The following FAM120C variants were observed in gnomAD, a reference collection of about 807,000 sequenced individuals.
FAM120C encodes family with sequence similarity 120 member C.
A neutral mutation model predicts 71.2 loss-of-function variants in FAM120C; 14 were observed. The ratio of observed to expected loss-of-function variants is 0.20; its 90% CI spans 0.13 to 0.31. FAM120C has a LOEUF of 0.31. FAM120C is among the 10% of genes least tolerant of loss of function. The pLI is 1.00. For synonymous variants in FAM120C, 354 were observed against 353.2 expected (o/e 1.00, Z -0.03); for missense variants, 500 against 879.0 (o/e 0.57, Z 5.45).
intron 4 of FAM120C, among the ~76,000 whole-genome samples, chrX:54,147,012 A>G (rs1408665850): frequency 2.7e-5 from 3 of 111,944 alleles, no homozygotes; most frequent in Admixed American, 1.9e-4. Context: ...GTGCAGAACT[A>G]TGTAATTAAA....
At chrX:54,104,529 C>T (rs377189386) in intron 10 of FAM120C, among the ~76,000 whole-genome samples, 3 of 111,667 alleles carry the variant, frequency 2.7e-5, no homozygotes, top group Non-Finnish European at 5.6e-5. Flanking sequence ...CACAGGAGGC[C>T]GGGTGTGGTG....
rs1557129882 is a variant in FAM120C, at chrX:54,133,890, G to A, written c.1773C>T (p.Asn591=). ...IPSLLSMSTR[N]HMDITIPPLP... The stretch of plus-strand genomic sequence containing the variant: ...AGGGTGGAATGGTGATATCCATGTG[G>A]TTCCTTGTAGACATAGACAGCAGAG... Residue 591 remains asparagine, a synonymous_variant, in exon 8 of 16, where the codon AAC becomes AAT. Coordinates refer to ENST00000375180, the MANE Select transcript of FAM120C (RefSeq NM_017848.6). The A allele has an allele frequency of 8.3e-7, 1 of 1,211,449 alleles. No homozygotes were observed. The highest frequency in any genetic ancestry group is 1.7e-5 in the African/African-American group (1 of 57,692).
chrX:54,176,283 A>C (rs2067317108), intron 1 of FAM120C, among the ~76,000 whole-genome samples: 1 of 110,477 alleles, frequency 9.1e-6, no homozygotes, highest in African/African-American at 3.3e-5. Flanking sequence ...AAATACAAAA[A>C]TTAGCTGGGT....
Position 54,182,590 on chromosome X carries a change from G to C in FAM120C, c.609C>G (p.Asn203Lys). The C allele has an allele frequency of 8.3e-7, 1 of 1,209,460 alleles. No homozygotes were observed. Among genetic ancestry groups the C allele is most frequent in the Non-Finnish European group, 1.1e-6 (1 of 895,002 alleles). The change falls in exon 1 of 16, where the codon AAC becomes AAG. Residue 203 changes from asparagine (N) to lysine (K), a missense_variant. This residue lies in a region of FAM120C where 45 missense variants were observed against 140.2 expected (regional missense o/e 0.32). Transcript: ENST00000375180. ...TAQLIVGHVG[N>K]KGTPPPRAWF... ...AGGCCCGCGGTGGAGGGGTGCCCTT[G>C]TTGCCCACGTGTCCCACGATCAGTT...
At chrX:54,098,871 G>A (rs2066868085) in intron 10 of FAM120C, among the ~76,000 whole-genome samples, 2 of 111,111 alleles carry the variant, frequency 1.8e-5, no homozygotes, top group South Asian at 3.7e-4. Flanking sequence ...TGCCCTCCTC[G>A]GCCTCCGAAA....
Position 54,182,863 on chromosome X carries a change from C to T in FAM120C, c.336G>A (p.Gln112=). The part of the protein sequence containing the change: ...HPPLPPPPPP[Q]LPGARVLVDA... ...CCACCAGCACCCGGGCCCCGGGCAG[C>T]TGAGGGGGCGGCGGCGGCGGCAGCG... The change falls in exon 1 of 16, where the codon CAG becomes CAA. Residue 112 remains glutamine (Q), a synonymous_variant. Transcript: ENST00000375180. The T allele has an allele frequency of 8.9e-7, 1 of 1,123,215 alleles. No individual in the cohort carries two copies. 92.6% of individuals were successfully genotyped at this position (1,123,215 alleles called of 1,213,427 possible). A position where few individuals can be genotyped will look rare whatever the true frequency, so the allele number is the denominator to read the frequency against.
intron 9 of FAM120C, among the ~76,000 whole-genome samples, chrX:54,117,615 T>C (rs781960349): frequency 1.8e-3 from 196 of 106,940 alleles, no homozygotes; most frequent in African/African-American, 6.2e-3. Flanking sequence ...GGAGAATCGC[T>C]TGAACCTGGG....
intron 10 of FAM120C, among the ~76,000 whole-genome samples, chrX:54,104,892 G>A (rs1557124598): frequency 9.0e-6 from 1 of 111,278 alleles, no homozygotes; most frequent in African/African-American, 3.3e-5. Context: ...CCAATAACAA[G>A]TTCTGAAAGT....
chrX:54,180,137 T>C (rs782552268), intron 1 of FAM120C, among the ~76,000 whole-genome samples: 5 of 112,008 alleles, frequency 4.5e-5, no homozygotes, highest in African/African-American at 6.5e-5. Context: ...TTTTGACTGA[T>C]GGGGTATATA....
chrX:54,117,168 C>T lies in FAM120C; in HGVS notation c.2063-374G>A, dbSNP rs782366171. ...GAGCCCAGGAGTACAAGACCAGCCC[C>T]GGCAAGATGGAGAGATCCCACCTCC... On this transcript the variant is annotated intron_variant, in intron 9 of 15. Transcript: ENST00000375180. 1.2e-4 allele frequency among the ~76,000 whole-genome samples: 13 copies of T among 104,930 alleles called. 1 individual carries two copies. The South Asian group carries it at 5.1e-3, about 41-fold the overall frequency. The allele number at this position is 104,930 out of a possible 115,157, so 91.1% of individuals were successfully genotyped here.
chrX:54,135,099 C>A lies in FAM120C; in HGVS notation c.1348G>T (p.Val450Leu), dbSNP rs1569532822. 8.4e-7 allele frequency: 1 copy of A among 1,189,752 alleles called. No individual in the cohort carries two copies. The highest frequency in any genetic ancestry group is 3.0e-5 in the East Asian group (1 of 33,468). The stretch of plus-strand genomic sequence containing the variant: ...GGTGGATATTTCACTTTCTGGGGCA[C>A]TTGATGAGAAAACTAAACGATAAAA... ...SAGKPMFSHQ[V>L]PQKVKYPPPF... Residue 450 changes from valine to leucine, a missense_variant, in exon 7 of 16, where the codon GTG (valine) becomes TTG (leucine). Coordinates refer to ENST00000375180, the MANE Select transcript of FAM120C (RefSeq NM_017848.6).
At chrX:54,100,350 G>A (rs898737076) in intron 10 of FAM120C, among the ~76,000 whole-genome samples, 3 of 111,265 alleles carry the variant, frequency 2.7e-5, no homozygotes, top group Non-Finnish European at 5.7e-5. Flanking sequence ...AAAATTAGCC[G>A]GGTGTGGCAG....
At chrX:54,153,916 G>A (rs1557133342) in intron 3 of FAM120C, among the ~76,000 whole-genome samples, 1 of 108,292 alleles carries the variant, frequency 9.2e-6, no homozygotes, top group East Asian at 2.9e-4. Flanking sequence ...GGCCAGGCTG[G>A]TCTCGAACTC....
intron 10 of FAM120C, among the ~76,000 whole-genome samples, chrX:54,102,470 T>C (rs1225322184): frequency 4.2e-5 from 2 of 48,003 alleles, no homozygotes; most frequent in African/African-American, 1.4e-4. Context: ...TTCTTGCTGG[T>C]CATATGGTAA....
intron 1 of FAM120C, among the ~76,000 whole-genome samples, chrX:54,160,613 C>A (rs1603363549): frequency 8.9e-6 from 1 of 111,754 alleles, no homozygotes; most frequent in African/African-American, 3.3e-5. Context: ...ACCGGCTCCA[C>A]CAAATTAAGT....
chrX:54,115,040 T>A (rs2066960767), intron 10 of FAM120C, among the ~76,000 whole-genome samples: 1 of 112,038 alleles, frequency 8.9e-6, no homozygotes, highest in African/African-American at 3.2e-5. Context: ...ATTACAGGCA[T>A]GAGCCACCAC....
At chrX:54,095,067 AAAAAC>A (rs200090345) in intron 10 of FAM120C, among the ~76,000 whole-genome samples, 6 of 110,402 alleles carry the variant, frequency 5.4e-5, no homozygotes, top group Non-Finnish European at 9.5e-5. Context: ...AACTTGTTTC[AAAAAC>A]AAAACAAAAC....
intron 13 of FAM120C, among the ~76,000 whole-genome samples, chrX:54,083,478 C>CACAG (rs782758591): frequency 9.8e-6 from 1 of 101,755 alleles, no homozygotes; most frequent in Non-Finnish European, 2.0e-5. Flanking sequence ...CACACACACA[C>CACAG]CAAAATATTA....
Position 54,136,529 on chromosome X carries a change from G to C in FAM120C, c.1220C>G (p.Thr407Ser), listed in dbSNP as rs1557130579. 8.3e-7 allele frequency: 1 copy of C among 1,210,688 alleles called. No homozygotes were observed. The highest frequency in any genetic ancestry group is 1.1e-6 in the Non-Finnish European group (1 of 894,651). Reference protein sequence around the residue: ...KKAVEYYSVTTKLSSLPVGPS... With the variant: ...KKAVEYYSVTSKLSSLPVGPS... ...ACCCACTGGCAGCGAAGAGAGTTTGGTTGTGACTGAATAATACTCAACTGC... is the reference window on the plus strand; with the variant it reads ...ACCCACTGGCAGCGAAGAGAGTTTGCTTGTGACTGAATAATACTCAACTGC... Residue 407 changes from threonine to serine, a missense_variant, in exon 5 of 16, where the codon ACC becomes AGC. Transcript: ENST00000375180.
Sources: gnomAD v4.1 joint callset for allele counts (sites outside exome capture counted in the v4.1 genomes callset) on GRCh38, gnomAD v4.1.1 for gene constraint, gnomAD v4.1.1 regional missense constraint, MANE v1.5 for transcripts, NCBI Gene and HGNC (gene_info 2026-07-23, HGNC 2026-07-21) for gene names.